ARL15: variants seen among roughly 807,000 people sequenced by gnomAD.
ARL15 encodes ADP-ribosylation factor-like protein 15.
ARL15 carries 19 observed loss-of-function variants against 25.2 expected under a neutral mutation model. That is an observed-to-expected ratio of 0.75 (90% CI 0.53 to 1.10). ARL15 has a LOEUF of 1.10. Ranked by LOEUF, ARL15 falls within the 50% of genes least tolerant of loss-of-function variation. The pLI, the probability that ARL15 is intolerant of heterozygous loss-of-function variation, is 0.00. For missense variants in ARL15, 220 were observed against 246.0 expected (o/e 0.89, Z 0.71); for synonymous variants, 94 against 86.8 (o/e 1.08, Z -0.46).
intron 4 of ARL15, among the ~76,000 whole-genome samples, chr5:53,897,952 T>C (rs1387511864): frequency 6.6e-6 from 1 of 152,134 alleles, no homozygotes; most frequent in Non-Finnish European, 1.5e-5. Context: ...AACATAAATT[T>C]TGTATATTAT....
At chr5:54,134,397 G>C (rs1753532529) in intron 3 of ARL15, among the ~76,000 whole-genome samples, 1 of 151,936 alleles carries the variant, frequency 6.6e-6, no homozygotes, top group African/African-American at 2.4e-5. Context: ...CAAATTCGTG[G>C]ATTTGTGCCA....
At chr5:54,279,492 A>G (rs961804026) in intron 1 of ARL15, among the ~76,000 whole-genome samples, 1 of 152,132 alleles carries the variant, frequency 6.6e-6, no homozygotes, top group East Asian at 1.9e-4. Context: ...GTCTCTTCTT[A>G]TAAGAGTGCT....
intron 4 of ARL15, among the ~76,000 whole-genome samples, chr5:54,064,621 T>C (rs1232498284): frequency 6.6e-6 from 1 of 152,192 alleles, no homozygotes; most frequent in Non-Finnish European, 1.5e-5. Context: ...ATGTGTGACC[T>C]CAGGCATGTG....
rs538058532 is a variant in ARL15, at chr5:54,005,719, G to A, written c.462+107483C>T. On this transcript the variant is annotated intron_variant, in intron 4 of 4. Transcript: ENST00000504924. ...TCTACTAAAAATACAGAAATTAGCC[G>A]GGCGTGGTGGCCGGCGCCTGTAGTC... Among the ~76,000 whole-genome samples, 830 of 152,048 alleles carry A rather than the reference G, an allele frequency of 5.5e-3. 4 individuals are homozygous for A. Among genetic ancestry groups the A allele is most frequent in the Admixed American group, 0.011 (170 of 15,270 alleles).
intron 4 of ARL15, among the ~76,000 whole-genome samples, chr5:53,947,187 T>C (rs1189030421): frequency 1.4e-5 from 2 of 148,016 alleles, no homozygotes; most frequent in Non-Finnish European, 3.0e-5. Context: ...TGTGTGTGTG[T>C]GTGTGTGTGT....
At chr5:54,203,232 C>T (rs1222811791) in intron 1 of ARL15, among the ~76,000 whole-genome samples, 2 of 152,084 alleles carry the variant, frequency 1.3e-5, no homozygotes, top group African/African-American at 4.8e-5. Flanking sequence ...GGACACAAAT[C>T]GGCTTTAATA....
intron 4 of ARL15, among the ~76,000 whole-genome samples, chr5:54,007,174 T>C (rs1270516616): frequency 6.6e-6 from 1 of 151,796 alleles, no homozygotes; most frequent in Non-Finnish European, 1.5e-5. Flanking sequence ...GAAAACAGTT[T>C]TTGAAAGAAG....
rs550801811 is a variant in ARL15, at chr5:54,180,369, AG to A, written c.49-8442del. Among the ~76,000 whole-genome samples, 13 of 152,272 alleles carry A rather than the reference AG, an allele frequency of 8.5e-5. No homozygotes were observed. In the South Asian group the frequency reaches 2.7e-3, roughly 32 times the overall value. On this transcript the variant is annotated intron_variant, in intron 1 of 4. Transcript: ENST00000504924. Reference sequence around the variant, plus strand: ...AAAATCAAATATGCTTCGATGTCTTAGGGTGACTAGTGGTTCTTGCAAACAA... The same window carrying A: ...AAAATCAAATATGCTTCGATGTCTTAGGTGACTAGTGGTTCTTGCAAACAA...
chr5:54,114,228 T>C (rs186973308), intron 3 of ARL15, among the ~76,000 whole-genome samples: 83 of 151,764 alleles, frequency 5.5e-4, no homozygotes, highest in Non-Finnish European at 8.2e-4. Context: ...TGAAACCCCA[T>C]CTCTACTAAA....
intron 1 of ARL15, among the ~76,000 whole-genome samples, chr5:54,229,637 A>G (rs142589130): frequency 1.3e-5 from 2 of 152,342 alleles, no homozygotes; most frequent in East Asian, 1.9e-4. Flanking sequence ...CTAAGTATCT[A>G]TGTGCACCTG....
intron 4 of ARL15, among the ~76,000 whole-genome samples, chr5:53,945,338 T>C (rs889786346): frequency 2.0e-5 from 3 of 152,246 alleles, no homozygotes; most frequent in Non-Finnish European, 4.4e-5. Flanking sequence ...TAGACGTACA[T>C]TGACATCAGA....
At chr5:54,104,124 C>T (rs1365718854) in intron 4 of ARL15, among the ~76,000 whole-genome samples, 2 of 152,166 alleles carry the variant, frequency 1.3e-5, no homozygotes, top group African/African-American at 4.8e-5. Flanking sequence ...AGCAATATTG[C>T]TGAACTGAAG....
intron 1 of ARL15, among the ~76,000 whole-genome samples, chr5:54,208,558 G>A (rs1478572525): frequency 6.6e-6 from 1 of 152,128 alleles, no homozygotes; most frequent in African/African-American, 2.4e-5. Context: ...AAACAATGAT[G>A]CTGCTCTGGA....
chr5:54,125,914 C>A (rs1288017310), intron 3 of ARL15, among the ~76,000 whole-genome samples: 1 of 152,094 alleles, frequency 6.6e-6, no homozygotes, highest in Non-Finnish European at 1.5e-5. Context: ...ACTCATGATT[C>A]CCCCAGTCAA....
At chr5:54,120,678 T>C (rs1753044759) in intron 3 of ARL15, among the ~76,000 whole-genome samples, 2 of 152,196 alleles carry the variant, frequency 1.3e-5, no homozygotes, top group African/African-American at 4.8e-5. Context: ...AGCTAATTCT[T>C]GAGCCATTGG....
At chr5:54,198,468 G>C in intron 1 of ARL15, among the ~76,000 whole-genome samples, 1 of 149,964 alleles carries the variant, frequency 6.7e-6, no homozygotes. Flanking sequence ...CAAAATCAAT[G>C]TACAAAAATC....
At chr5:54,306,894 A>C (rs755695848) in intron 1 of ARL15, among the ~76,000 whole-genome samples, 1 of 152,206 alleles carries the variant, frequency 6.6e-6, no homozygotes, top group Non-Finnish European at 1.5e-5. Context: ...AACTGAAAGG[A>C]ATCTAGAAGT....
At chr5:54,047,512 T>C (rs1359951192) in intron 4 of ARL15, among the ~76,000 whole-genome samples, 1 of 152,080 alleles carries the variant, frequency 6.6e-6, no homozygotes, top group African/African-American at 2.4e-5. Context: ...AACATCTTCA[T>C]ATAAAACCTC....
intron 4 of ARL15, among the ~76,000 whole-genome samples, chr5:54,086,729 T>A (rs1751975202): frequency 6.6e-6 from 1 of 152,052 alleles, no homozygotes; most frequent in Non-Finnish European, 1.5e-5. Flanking sequence ...GAAATCAGAA[T>A]GGGTTAAAAA....
Sources: allele counts gnomAD v4.1 joint callset (sites outside exome capture counted in the v4.1 genomes callset), GRCh38; gene constraint gnomAD v4.1.1; transcripts MANE v1.5; gene names NCBI Gene and HGNC (gene_info 2026-07-23, HGNC 2026-07-21).